RGS7: variants seen among roughly 807,000 people sequenced by gnomAD.
RGS7 encodes the protein regulator of G-protein signaling 7.
RGS7 carries 27 observed loss-of-function variants against 81.1 expected under a neutral mutation model. The observed-to-expected ratio is 0.33, with a 90% confidence interval of 0.25 to 0.46. RGS7 has a LOEUF of 0.46. Among genes scored for constraint, RGS7 ranks in the 20% least tolerant of loss-of-function variants. The pLI, the probability that RGS7 is intolerant of heterozygous loss-of-function variation, is 1.00. For synonymous variants in RGS7, 208 were observed against 207.7 expected, an observed-to-expected ratio of 1.00 and a Z score of -0.01; for missense variants, 396 against 607.4, an observed-to-expected ratio of 0.65 and a Z score of 3.66.
intron 2 of RGS7, among the ~76,000 whole-genome samples, chr1:241,249,528 C>T (rs933396389): frequency 2.6e-5 from 4 of 152,088 alleles, no homozygotes; most frequent in Admixed American, 6.6e-5. Context: ...CGTCTGTTTT[C>T]AAAATTATTT....
At chr1:240,913,100 A>G (rs1672034248) in intron 6 of RGS7, among the ~76,000 whole-genome samples, 1 of 152,234 alleles carries the variant, frequency 6.6e-6, no homozygotes, top group African/African-American at 2.4e-5. Flanking sequence ...TTTTTAGTAC[A>G]ACAGAGAGCA....
intron 9 of RGS7, among the ~76,000 whole-genome samples, chr1:240,851,712 T>C (rs1351403498): frequency 2.0e-5 from 3 of 152,174 alleles, no homozygotes; most frequent in Non-Finnish European, 2.9e-5. Context: ...AATCTTAACA[T>C]TAACAGGAGT....
intron 2 of RGS7, among the ~76,000 whole-genome samples, chr1:241,111,235 T>G (rs551927779): frequency 1.3e-5 from 2 of 152,336 alleles, no homozygotes; most frequent in African/African-American, 4.8e-5. Context: ...TATCTGCTAG[T>G]TGAATTCATA....
At chr1:240,981,320 C>T (rs932073471) in intron 4 of RGS7, among the ~76,000 whole-genome samples, 1 of 152,072 alleles carries the variant, frequency 6.6e-6, no homozygotes, top group Non-Finnish European at 1.5e-5. Flanking sequence ...CCGTATTGGC[C>T]AGGCTGGTCT....
At chr1:241,091,594 T>G (rs372367290) in intron 3 of RGS7, among the ~76,000 whole-genome samples, 2 of 135,390 alleles carry the variant, frequency 1.5e-5, no homozygotes, top group African/African-American at 5.6e-5. Flanking sequence ...AATAAATAAA[T>G]AAAAAAGCTG....
chr1:240,839,825 TC>T (rs1695314383), intron 9 of RGS7, among the ~76,000 whole-genome samples: 1 of 152,088 alleles, frequency 6.6e-6, no homozygotes, highest in South Asian at 2.1e-4. Flanking sequence ...TCAGTTTCTC[TC>T]CCCTCCTACC....
chr1:240,865,422 T>C (rs1254232872), intron 9 of RGS7, among the ~76,000 whole-genome samples: 1 of 152,240 alleles, frequency 6.6e-6, no homozygotes, highest in Non-Finnish European at 1.5e-5. Flanking sequence ...AGATACTCTC[T>C]GGTATTTTCC....
chr1:240,913,909 T>C (rs1672167185), intron 6 of RGS7, among the ~76,000 whole-genome samples: 1 of 152,070 alleles, frequency 6.6e-6, no homozygotes, highest in Admixed American at 6.5e-5. Context: ...TTTTTAATTT[T>C]CTTTTTTTTA....
At chr1:241,260,318 G>A (rs1380648320) in intron 2 of RGS7, among the ~76,000 whole-genome samples, 5 of 152,142 alleles carry the variant, frequency 3.3e-5, no homozygotes, top group South Asian at 2.1e-4. Context: ...AGCTTCTGTC[G>A]GGCACAGTCA....
chr1:241,053,266 C>G (rs2061338079), intron 3 of RGS7, among the ~76,000 whole-genome samples: 1 of 152,290 alleles, frequency 6.6e-6, no homozygotes, highest in East Asian at 1.9e-4. Flanking sequence ...AATATCTGAA[C>G]AGAGGTTATT....
At chr1:240,978,803 G>A (rs1684515718) in intron 4 of RGS7, among the ~76,000 whole-genome samples, 1 of 152,186 alleles carries the variant, frequency 6.6e-6, no homozygotes, top group Non-Finnish European at 1.5e-5. Flanking sequence ...TGTAAGAGAT[G>A]TGGTAATAAC....
At chr1:240,834,028 C>T (rs1395362931) in intron 9 of RGS7, among the ~76,000 whole-genome samples, 2 of 152,196 alleles carry the variant, frequency 1.3e-5, no homozygotes, top group African/African-American at 2.4e-5. Flanking sequence ...CTCAAGCAGT[C>T]CTCCCATCTC....
intron 6 of RGS7, among the ~76,000 whole-genome samples, chr1:240,898,961 G>C (rs1230763890): frequency 6.6e-6 from 1 of 152,106 alleles, no homozygotes; most frequent in Non-Finnish European, 1.5e-5. Context: ...ATGAATCTGG[G>C]TGCTCCTGTA....
chr1:241,324,347 A>G (rs60968813), intron 2 of RGS7, among the ~76,000 whole-genome samples: 1 of 152,084 alleles, frequency 6.6e-6, no homozygotes, highest in Admixed American at 6.5e-5. Flanking sequence ...AAAAACAAAA[A>G]AAAAAGCAAC....
At chr1:241,128,233 C>T (rs576855399) in intron 2 of RGS7, among the ~76,000 whole-genome samples, 86 of 147,906 alleles carry the variant, frequency 5.8e-4, no homozygotes, top group African/African-American at 1.9e-3. Context: ...GCCGAGATTG[C>T]GCCACTGCAC....
chr1:241,199,241 A>C (rs2073313004), intron 2 of RGS7, among the ~76,000 whole-genome samples: 1 of 152,182 alleles, frequency 6.6e-6, no homozygotes, highest in East Asian at 1.9e-4. Flanking sequence ...CGGATCATGA[A>C]GTCAAGAGAT....
chr1:240,911,986 C>CAA (rs756359806), intron 6 of RGS7, among the ~76,000 whole-genome samples: 8 of 128,060 alleles, frequency 6.2e-5, no homozygotes, highest in African/African-American at 1.7e-4. Flanking sequence ...CTAAAAATAC[C>CAA]AAAAAAAAAA....
intron 2 of RGS7, among the ~76,000 whole-genome samples, chr1:241,234,142 A>T (rs2075804283): frequency 6.6e-6 from 1 of 152,192 alleles, no homozygotes; most frequent in Admixed American, 6.5e-5. Context: ...ACACTGGGGA[A>T]CGCATGTGTG....
At chr1:240,785,854 T>C (rs551339731) in intron 18 of RGS7, among the ~76,000 whole-genome samples, 3 of 152,306 alleles carry the variant, frequency 2.0e-5, no homozygotes, top group South Asian at 2.1e-4. Flanking sequence ...TGCTGAAACA[T>C]AGTGAATAAT....
Sources: allele counts gnomAD v4.1 joint callset (sites outside exome capture counted in the v4.1 genomes callset), GRCh38; gene constraint gnomAD v4.1.1; transcripts MANE v1.5; gene names NCBI Gene and HGNC (gene_info 2026-07-23, HGNC 2026-07-21).